The following HSPA12A variants were observed in gnomAD, a reference collection of about 807,000 sequenced individuals.
The protein encoded by HSPA12A is heat shock 70 kDa protein 12A.
In HSPA12A, 28 loss-of-function variants were observed where a neutral mutation model predicts 69.2. The observed-to-expected ratio is 0.40, with a 90% confidence interval of 0.30 to 0.55. HSPA12A has a LOEUF of 0.55. Among genes scored for constraint, HSPA12A ranks in the 20% least tolerant of loss-of-function variants. HSPA12A has a pLI of 0.38. For missense variants in HSPA12A, 686 were observed against 900.7 expected, an observed-to-expected ratio of 0.76 and a Z score of 3.05; for synonymous variants, 345 against 370.5, an observed-to-expected ratio of 0.93 and a Z score of 0.79.
chr10:116,675,635 T>C lies in HSPA12A; in HGVS notation c.1391-217A>G, dbSNP rs2133353364. Among the ~76,000 whole-genome samples, 1 of 152,368 alleles carries C rather than the reference T, an allele frequency of 6.6e-6. No individual in the cohort carries two copies. Among genetic ancestry groups the C allele is most frequent in the South Asian group, 2.1e-4 (1 of 4,828 alleles). ...GTTCCGGAATAAAAGCCAGAGCTGCTGCTAAGTAGAAATGCATTTTAACAG... is the reference window on the plus strand; with the variant it reads ...GTTCCGGAATAAAAGCCAGAGCTGCCGCTAAGTAGAAATGCATTTTAACAG... On this transcript the variant is annotated intron_variant, in intron 11 of 11. Transcript: ENST00000369209. This position sits in a 1 kb window ranked among gnomAD's most constrained non-coding sequence, Gnocchi z 5.2.
At chr10:116,800,959 C>T (rs540737199) in intron 2 of HSPA12A, among the ~76,000 whole-genome samples, 76 of 152,322 alleles carry the variant, frequency 5.0e-4, no homozygotes, top group African/African-American at 1.5e-3. Flanking sequence ...ATCACATTTC[C>T]TTGCTCAGAA....
At chr10:116,830,138 A>G (rs145685562) in intron 2 of HSPA12A, 1 of 152,242 alleles carries the variant, frequency 6.6e-6, no homozygotes, top group African/African-American at 2.4e-5. Context: ...ACACTATTCT[A>G]GCCAGGCATC....
chr10:116,705,945 G>A (rs1251522476), intron 2 of HSPA12A, among the ~76,000 whole-genome samples: 2 of 148,140 alleles, frequency 1.4e-5, no homozygotes, highest in Non-Finnish European at 3.0e-5. Context: ...GCCCAGGCTG[G>A]AGCGCAGTGG....
intron 1 of HSPA12A, among the ~76,000 whole-genome samples, chr10:116,733,396 C>T (rs541336659): frequency 2.0e-5 from 3 of 152,184 alleles, no homozygotes; most frequent in African/African-American, 7.2e-5. Flanking sequence ...GAACCAGCCG[C>T]CTGGGTACAG....
intron 1 of HSPA12A, among the ~76,000 whole-genome samples, chr10:116,721,731 C>T (rs945007747): frequency 3.9e-5 from 6 of 152,116 alleles, no homozygotes; most frequent in Non-Finnish European, 2.9e-5. Context: ...GCGGTGGGGA[C>T]AGCAGGCCTC....
chr10:116,826,960 C>T (rs570450275), intron 2 of HSPA12A, among the ~76,000 whole-genome samples: 19 of 152,162 alleles, frequency 1.2e-4, no homozygotes, highest in Non-Finnish European at 2.1e-4. Flanking sequence ...AGAGGAATCA[C>T]GTCATTTGCT....
chr10:116,704,379 A>G (rs1564787305), intron 3 of HSPA12A, among the ~76,000 whole-genome samples: 3 of 152,012 alleles, frequency 2.0e-5, no homozygotes, highest in Non-Finnish European at 4.4e-5. Context: ...CAAACACCGC[A>G]TGTTCTCACT....
intron 2 of HSPA12A, among the ~76,000 whole-genome samples, chr10:116,799,689 G>A (rs554104366): frequency 2.6e-5 from 4 of 152,198 alleles, no homozygotes; most frequent in Admixed American, 2.0e-4. Flanking sequence ...CACCGGCCCT[G>A]TGCCTCACCT....
chr10:116,762,169 A>T (rs1315238168), intron 2 of HSPA12A, among the ~76,000 whole-genome samples: 2 of 151,728 alleles, frequency 1.3e-5, no homozygotes, highest in Non-Finnish European at 2.9e-5. Flanking sequence ...CCCCTGCCTC[A>T]CTCTCCTATC....
rs145860958 is a variant in HSPA12A, at chr10:116,676,226, C to G, written c.1390+173G>C. On this transcript the variant is annotated intron_variant, in intron 11 of 11. Coordinates refer to ENST00000369209, the MANE Select transcript of HSPA12A (RefSeq NM_025015.3). ...GAGGAGAGGGATCCAGAGCCTATGCCCAGTAACCTCTCCCATACATGCCCA... is the reference window on the plus strand; with the variant it reads ...GAGGAGAGGGATCCAGAGCCTATGCGCAGTAACCTCTCCCATACATGCCCA... Among the ~76,000 whole-genome samples, 1,214 of 152,316 alleles carry G rather than the reference C, an allele frequency of 8.0e-3. 21 individuals are homozygous for G. The highest frequency in any genetic ancestry group is 0.028 in the African/African-American group (1,149 of 41,558).
At chr10:116,820,128 A>T (rs1433255552) in intron 2 of HSPA12A, among the ~76,000 whole-genome samples, 4 of 152,170 alleles carry the variant, frequency 2.6e-5, no homozygotes, top group Non-Finnish European at 5.9e-5. Flanking sequence ...CAGCCAATTT[A>T]TGTGTTTTTA....
intron 3 of HSPA12A, among the ~76,000 whole-genome samples, chr10:116,702,503 G>A (rs1850110334): frequency 6.6e-6 from 1 of 152,164 alleles, no homozygotes; most frequent in Admixed American, 6.5e-5. Context: ...GCTCAAATGG[G>A]TCTGGAATCA....
chr10:116,742,480 C>A lies in HSPA12A; in HGVS notation c.-11G>T, dbSNP rs1554887342. ...CTCCTTGTCCGCCATGGTCGCGCAG[C>A]CCCGGACCGCGAGGGGAGCCTCCAG... On this transcript the variant is annotated 5_prime_UTR_variant, in exon 1 of 12. Transcript: ENST00000369209. The A allele has an allele frequency of 7.4e-7, 1 of 1,351,374 alleles. No homozygotes were observed. The highest frequency in any genetic ancestry group is 3.3e-5 in the Admixed American group (1 of 30,710). The allele number at this position is 1,351,374 out of a possible 1,614,324, so 83.7% of individuals were successfully genotyped here.
chr10:116,792,195 G>A (rs978795667), intron 2 of HSPA12A, among the ~76,000 whole-genome samples: 2 of 145,434 alleles, frequency 1.4e-5, no homozygotes, highest in African/African-American at 5.1e-5. Flanking sequence ...ACGTAAGCAT[G>A]TGAGTGGGAC....
chr10:116,679,463 G>C (rs377732716), intron 10 of HSPA12A, 40 bp downstream of exon 10: 1 of 1,604,286 alleles, frequency 6.2e-7, no homozygotes, highest in South Asian at 1.1e-5. Flanking sequence ...CGATCCACCC[G>C]CTAGAATGTC....
chr10:116,675,436 G>A lies in HSPA12A; in HGVS notation c.1391-18C>T, dbSNP rs782032193. 1.3e-6 allele frequency: 2 copies of A among 1,551,622 alleles called. No homozygotes were observed. The highest frequency in any genetic ancestry group is 1.9e-5 in the Admixed American group (1 of 51,942). Reference sequence around the variant, plus strand: ...CAGGTCCCCTGGAAGGGAAGAGGCAGGGAGAATGTCCTGTCACCAAAAGCC... The same window carrying A: ...CAGGTCCCCTGGAAGGGAAGAGGCAAGGAGAATGTCCTGTCACCAAAAGCC... On this transcript the variant is annotated intron_variant, in intron 11 of 11. Transcript: ENST00000369209. The surrounding 1 kb of genome is among the most constrained non-coding windows in gnomAD (Gnocchi z 5.2).
At position 116,826,774 on chromosome 10, in the gene HSPA12A, G is replaced by A. The variant is rs535575578; in HGVS notation, c.91+8161C>T. ...ACAGAAAATGCTTGAATGAATGGGG[G>A]ACTATGTGGCTCTTTGTACATTTCA... On this transcript the variant is annotated intron_variant, in intron 2 of 12. Coordinates refer to the HSPA12A transcript ENST00000635765. Among the ~76,000 whole-genome samples, 3 of 152,288 alleles carry A rather than the reference G, an allele frequency of 2.0e-5. No individual in the cohort carries two copies. The South Asian group carries it at 6.2e-4, about 32-fold the overall frequency.
rs1554887974 is a variant in HSPA12A at position 116,748,038 on chromosome 10, T to C, written c.92-40753A>G. ...ATAAATAAATAATGAAGTAGAAACA[T>C]GGGCTCAGAGATACTAAACCTCTTG... is the stretch of plus-strand genomic sequence containing the variant. On this transcript the variant is annotated intron_variant, in intron 2 of 12. Coordinates refer to the HSPA12A transcript ENST00000635765. Among the ~76,000 whole-genome samples the C allele has an allele frequency of 2.6e-5, 4 of 152,216 alleles. 1 individual carries two copies. In the South Asian group the frequency reaches 8.3e-4, roughly 32 times the overall value.
chr10:116,849,634 C>T lies in HSPA12A; in HGVS notation c.-66G>A, dbSNP rs1043913458. The T allele has an allele frequency of 2.6e-6, 4 of 1,550,076 alleles. No individual in the cohort carries two copies. The African/African-American group carries it at 4.1e-5, about 16-fold the overall frequency. ...GAGCTGCAGAAGCTGAAGCAGCAGG[C>T]GATGGAGTACTACCGGGAGAACGAC... On this transcript the variant is annotated 5_prime_UTR_variant, in exon 1 of 13. Coordinates refer to the HSPA12A transcript ENST00000635765.
Sources: allele counts gnomAD v4.1 joint callset (sites outside exome capture counted in the v4.1 genomes callset), GRCh38; gene constraint gnomAD v4.1.1; non-coding constraint Gnocchi (gnomAD v3.1); transcripts MANE v1.5; gene names NCBI Gene and HGNC (gene_info 2026-07-23, HGNC 2026-07-21).